Variants in ZNF385D observed in about 807,000 individuals in gnomAD.
ZNF385D encodes zinc finger protein 659.
Under a neutral mutation model 35.8 loss-of-function variants are expected in ZNF385D, and 15 were observed. The observed-to-expected ratio is 0.42, with a 90% CI of 0.28 to 0.64. ZNF385D has a LOEUF of 0.64. Ranked by LOEUF, ZNF385D falls within the 30% of genes least tolerant of loss-of-function variation. ZNF385D has a pLI of 0.23. For synonymous variants in ZNF385D, 212 were observed against 186.8 expected (o/e 1.13, Z -1.10); for missense variants, 474 against 494.6 (o/e 0.96, Z 0.39).
intron 3 of ZNF385D, among the ~76,000 whole-genome samples, chr3:21,561,657 G>C (rs1305431524): frequency 1.3e-5 from 2 of 152,184 alleles, no homozygotes; most frequent in Non-Finnish European, 1.5e-5. Context: ...TTGTGTCTCA[G>C]GAAATAGGAA....
At chr3:21,504,701 G>A (rs749066821) in intron 4 of ZNF385D, among the ~76,000 whole-genome samples, 6 of 152,070 alleles carry the variant, frequency 3.9e-5, no homozygotes, top group Admixed American at 2.0e-4. Context: ...AGAATTTTCC[G>A]TGTTTTAGAA....
At chr3:21,574,095 A>G (rs1199158574) in intron 2 of ZNF385D, among the ~76,000 whole-genome samples, 1 of 151,796 alleles carries the variant, frequency 6.6e-6, no homozygotes, top group Admixed American at 6.6e-5. Flanking sequence ...GAAGTGAAAG[A>G]AAGAAAGAAT....
chr3:21,958,352 G>A (rs2125312635), intron 3 of ZNF385D, among the ~76,000 whole-genome samples: 1 of 152,162 alleles, frequency 6.6e-6, no homozygotes, highest in East Asian at 1.9e-4. Flanking sequence ...TTGCTTTCCA[G>A]TCACAGGAAT....
chr3:22,020,173 A>C lies in ZNF385D; in HGVS notation c.325+148644T>G, dbSNP rs563836669. Among the ~76,000 whole-genome samples the C allele has an allele frequency of 2.0e-4, 31 of 152,008 alleles. No individual in the cohort carries two copies. In the South Asian group the frequency reaches 6.4e-3, roughly 32 times the overall value. On this transcript the variant is annotated intron_variant, in intron 3 of 5. Coordinates refer to the ZNF385D transcript ENST00000494108. ...TAACAATTCTATGACTTGTCATGCA[A>C]TACATGACAAGGAATTCTTAAAGTG... is the stretch of plus-strand genomic sequence containing the variant.
intron 2 of ZNF385D, among the ~76,000 whole-genome samples, chr3:22,238,794 G>T (rs1699332788): frequency 6.6e-6 from 1 of 150,820 alleles, no homozygotes; most frequent in South Asian, 2.2e-4. Context: ...GTATAGTGTT[G>T]TGAACAGGGC....
chr3:22,324,658 C>A (rs75828640), intron 2 of ZNF385D, among the ~76,000 whole-genome samples: 1 of 152,100 alleles, frequency 6.6e-6, no homozygotes, highest in Non-Finnish European at 1.5e-5. Flanking sequence ...AAAATCTCAA[C>A]AGTATTTTAA....
upstream of ZNF385D, among the ~76,000 whole-genome samples, chr3:21,753,488 G>C (rs962647598): frequency 2.0e-5 from 3 of 152,132 alleles, no homozygotes; most frequent in Non-Finnish European, 2.9e-5. Context: ...ACAGCATGTA[G>C]CCTTTGAAAG....
chr3:21,513,382 C>T (rs904465849), intron 3 of ZNF385D, among the ~76,000 whole-genome samples: 2 of 152,012 alleles, frequency 1.3e-5, no homozygotes, highest in African/African-American at 4.8e-5. Flanking sequence ...AACAGAGACA[C>T]TTAATATCTT....
At chr3:22,045,823 G>T (rs1030782729) in intron 3 of ZNF385D, among the ~76,000 whole-genome samples, 1 of 151,896 alleles carries the variant, frequency 6.6e-6, no homozygotes, top group South Asian at 2.1e-4. Flanking sequence ...AGGCTACCTG[G>T]GGCCCCAGCT....
At chr3:21,897,042 G>C (rs1188436022) in intron 3 of ZNF385D, among the ~76,000 whole-genome samples, 4 of 152,132 alleles carry the variant, frequency 2.6e-5, no homozygotes, top group Non-Finnish European at 4.4e-5. Context: ...TCATGAAATA[G>C]CTACTGCTGA....
At chr3:21,942,412 T>C (rs761974540) in intron 3 of ZNF385D, among the ~76,000 whole-genome samples, 1 of 152,206 alleles carries the variant, frequency 6.6e-6, no homozygotes, top group Non-Finnish European at 1.5e-5. Context: ...ACAAACAGAA[T>C]GTAAGGACTC....
intron 1 of ZNF385D, among the ~76,000 whole-genome samples, chr3:21,669,466 G>A (rs2066497775): frequency 6.6e-6 from 1 of 152,074 alleles, no homozygotes; most frequent in Non-Finnish European, 1.5e-5. Flanking sequence ...TTGTGAATAT[G>A]AAAAAACAAA....
rs891512979 is a variant in ZNF385D, at chr3:22,256,260, C to T, written c.107-87225G>A. ...ACATATATATATATATATATATATTCCCTTAGTTTTGTCCCTCTAGAGAAC... is the reference window on the plus strand; with the variant it reads ...ACATATATATATATATATATATATTTCCTTAGTTTTGTCCCTCTAGAGAAC... On this transcript the variant is annotated intron_variant, in intron 2 of 5. Transcript: ENST00000494108. 3.4e-5 allele frequency among the ~76,000 whole-genome samples: 5 copies of T among 147,412 alleles called. No individual in the cohort carries two copies. The Admixed American group carries it at 3.4e-4, about 10-fold the overall frequency.
chr3:21,976,318 A>G (rs1054834852), intron 3 of ZNF385D, among the ~76,000 whole-genome samples: 3 of 152,224 alleles, frequency 2.0e-5, no homozygotes, highest in Admixed American at 6.5e-5. Flanking sequence ...TGTGACACAA[A>G]TACTACAGTA....
chr3:22,186,568 C>T (rs1030982531), intron 2 of ZNF385D, among the ~76,000 whole-genome samples: 1 of 152,096 alleles, frequency 6.6e-6, no homozygotes, highest in Non-Finnish European at 1.5e-5. Flanking sequence ...ATTTCATGAC[C>T]ATCATGCAAC....
chr3:22,086,783 G>C (rs1701068702), intron 3 of ZNF385D, among the ~76,000 whole-genome samples: 1 of 152,128 alleles, frequency 6.6e-6, no homozygotes, highest in Admixed American at 6.6e-5. Context: ...GTCCTTTGTA[G>C]GGACATGGAT....
intron 1 of ZNF385D, among the ~76,000 whole-genome samples, chr3:21,675,336 C>T (rs916380507): frequency 3.3e-5 from 5 of 151,920 alleles, no homozygotes; most frequent in African/African-American, 7.2e-5. Context: ...CCTTGATTCC[C>T]GTGGCATAAA....
intron 3 of ZNF385D, among the ~76,000 whole-genome samples, chr3:22,131,960 A>T (rs1179016586): frequency 6.6e-6 from 1 of 152,218 alleles, no homozygotes; most frequent in Non-Finnish European, 1.5e-5. Flanking sequence ...GGAAGTCTGA[A>T]CAAACATATT....
At chr3:21,742,475 T>C (rs981005810) in intron 1 of ZNF385D, among the ~76,000 whole-genome samples, 8 of 152,228 alleles carry the variant, frequency 5.3e-5, no homozygotes, top group African/African-American at 1.9e-4. Context: ...TGAGATCTAT[T>C]CTTGCTCTTC....
Sources: gnomAD v4.1 joint callset for allele counts (sites outside exome capture counted in the v4.1 genomes callset) on GRCh38, gnomAD v4.1.1 for gene constraint, MANE v1.5 for transcripts, NCBI Gene and HGNC (gene_info 2026-07-23, HGNC 2026-07-21) for gene names.